Variants in PTPN6 observed in about 807,000 individuals in gnomAD.
PTPN6 encodes protein tyrosine phosphatase non-receptor type 6.
Under a neutral mutation model 81.5 loss-of-function variants are expected in PTPN6, and 18 were observed. The observed-to-expected ratio is 0.22, with a 90% CI of 0.15 to 0.33. The LOEUF (loss-of-function observed/expected upper bound fraction) is 0.33. Among genes scored for constraint, PTPN6 ranks in the 10% least tolerant of loss-of-function variants. The pLI, the probability that PTPN6 is intolerant of heterozygous loss-of-function variation, is 1.00. For synonymous variants in PTPN6, 301 were observed against 310.9 expected, an observed-to-expected ratio of 0.97 and a Z score of 0.33; for missense variants, 500 against 794.2, an observed-to-expected ratio of 0.63 and a Z score of 4.45.
chr12:6,954,831 G>T lies in PTPN6; in HGVS notation c.353G>T (p.Gly118Val). 6.2e-7 allele frequency: 1 copy of T among 1,614,080 alleles called. No homozygotes were observed. Among genetic ancestry groups the T allele is most frequent in the Non-Finnish European group, 8.5e-7 (1 of 1,180,036 alleles). The change falls in exon 4 of 16, where the codon GGG becomes GTG. Residue 118 changes from glycine (G) to valine (V), a missense_variant. Around this residue, in one of 6 missense-constraint regions of PTPN6, gnomAD observed 98 missense variants for 199.2 expected, o/e 0.49. Transcript: ENST00000318974. This position sits in a 1 kb window ranked among gnomAD's most constrained non-coding sequence, Gnocchi z 5.4. The part of the protein sequence containing the change: ...ERWYHGHMSG[G>V]QAETLLQAKG... ...TGGTACCATGGCCACATGTCTGGCG[G>T]GCAGGCAGAGACGCTGCTGCAGGCC... is the stretch of plus-strand genomic sequence containing the variant.
In PTPN6 at chr12:6,960,952, C is replaced by T. The variant is rs1555149876; in HGVS notation, c.*25+7C>T. The T allele has an allele frequency of 6.4e-7, 1 of 1,554,620 alleles. No homozygotes were observed. Among genetic ancestry groups the T allele is most frequent in the South Asian group, 1.2e-5 (1 of 84,322 alleles). ...CTGTCCTCAGGTGGCCATGGTACAG[C>T]TCTTCTGCCTGGGTGTCCTCCCTGC... On this transcript the variant is annotated splice_region_variant and intron_variant, in intron 15 of 15. Transcript: ENST00000318974. This position sits in a 1 kb window ranked among gnomAD's most constrained non-coding sequence, Gnocchi z 6.1.
In PTPN6 at chr12:6,957,262, G is replaced by A. The variant is rs782095285; in HGVS notation, c.1075-392G>A. Among the ~76,000 whole-genome samples, 3 of 152,238 alleles carry A rather than the reference G, an allele frequency of 2.0e-5. No individual in the cohort carries two copies. Among genetic ancestry groups the A allele is most frequent in the Non-Finnish European group, 4.4e-5 (3 of 68,044 alleles). ...GGTCTTGTTTCCTCCAGGACCTAGAGGGAGAATTACGTCTTTCCCAGCCAC... is the reference window on the plus strand; with the variant it reads ...GGTCTTGTTTCCTCCAGGACCTAGAAGGAGAATTACGTCTTTCCCAGCCAC... On this transcript the variant is annotated intron_variant, in intron 9 of 15. Transcript: ENST00000318974. This position sits in a 1 kb window ranked among gnomAD's most constrained non-coding sequence, Gnocchi z 6.5.
At chr12:6,946,705 C>T (rs1555146823), upstream of PTPN6, 5 of 1,610,616 alleles carry the variant, frequency 3.1e-6, no homozygotes, top group South Asian at 4.4e-5. Context: ...TCTGCCGTGG[C>T]TTCCCCCTCC....
Position 6,960,872 on chromosome 12 carries a change from G to T in PTPN6, c.1740G>T (p.Gln580His). Residue 580 changes from glutamine to histidine, a missense_variant, in exon 15 of 16, where the codon CAG becomes CAT. Physicochemically the swap from Gln to His is conservative, Grantham distance 24. Coordinates refer to ENST00000318974, the MANE Select transcript of PTPN6 (RefSeq NM_002831.6). This position sits in a 1 kb window ranked among gnomAD's most constrained non-coding sequence, Gnocchi z 6.1. ...AGAGGGAGGAGAAAGTGAAGAAGCA[G>T]CGGTCAGCAGACAAGGAGAAGAGCA... ...KNKREEKVKKQRSADKEKSKG... is the reference protein window; with the variant it reads ...KNKREEKVKKHRSADKEKSKG... 1 of 1,580,516 alleles carries T rather than the reference G, an allele frequency of 6.3e-7. No individual in the cohort carries two copies. The highest frequency in any genetic ancestry group is 2.3e-5 in the East Asian group (1 of 43,164).
rs1555148497 is a variant in PTPN6, at chr12:6,955,525, G to A, written c.747+40G>A. On this transcript the variant is annotated intron_variant, in intron 6 of 15. Coordinates refer to ENST00000318974, the MANE Select transcript of PTPN6 (RefSeq NM_002831.6). The surrounding 1 kb of genome is among the most constrained non-coding windows in gnomAD (Gnocchi z 7.2). ...CCGGCAGGGCTGGGGCAGCTGAGGT[G>A]GTGGCAGCGGCCTGGGGCCCCAGGC... 1.9e-6 allele frequency: 3 copies of A among 1,600,286 alleles called. No homozygotes were observed. The South Asian group carries it at 3.3e-5, about 18-fold the overall frequency.
chr12:6,957,866 G>A lies in PTPN6; in HGVS notation c.1207-53G>A. On this transcript the variant is annotated intron_variant, in intron 10 of 15. Transcript: ENST00000318974. This position sits in a 1 kb window ranked among gnomAD's most constrained non-coding sequence, Gnocchi z 6.5. ...CCTCTCTGGTCGGGTAGGGTGAGAT[G>A]GATGAGGTGTTCCGAGAGAGGAGGG... is the stretch of plus-strand genomic sequence containing the variant. 1.9e-6 allele frequency: 3 copies of A among 1,614,022 alleles called. No individual in the cohort carries two copies. The highest frequency in any genetic ancestry group is 1.7e-6 in the Non-Finnish European group (2 of 1,179,988).
chr12:6,949,414 C>T (rs782568616), upstream of PTPN6, among the ~76,000 whole-genome samples: 78 of 152,312 alleles, frequency 5.1e-4, no homozygotes, highest in African/African-American at 9.9e-4. Flanking sequence ...CATCTGCCCC[C>T]GACGCTGTCT....
In PTPN6 at chr12:6,954,789, A is replaced by G. The variant is rs1945993676; in HGVS notation, c.327-16A>G. ...TGTGGCCTGGGTCTTACCTTCCCTG[A>G]CGCTGCCTTCTCTAGGTGGTACCAT... On this transcript the variant is annotated splice_polypyrimidine_tract_variant and intron_variant, in intron 3 of 15. Transcript: ENST00000318974. The surrounding 1 kb of genome is among the most constrained non-coding windows in gnomAD (Gnocchi z 5.4). 1 of 1,612,128 alleles carries G rather than the reference A, an allele frequency of 6.2e-7. No homozygotes were observed. Among genetic ancestry groups the G allele is most frequent in the Non-Finnish European group, 8.5e-7 (1 of 1,179,802 alleles).
In PTPN6 at chr12:6,956,466, C is replaced by T; in HGVS notation, c.972C>T (p.Ser324=). The T allele has an allele frequency of 1.2e-6, 2 of 1,614,106 alleles. No individual in the cohort carries two copies. The highest frequency in any genetic ancestry group is 1.7e-6 in the Non-Finnish European group (2 of 1,180,034). Residue 324 remains serine (S), a synonymous_variant, in exon 9 of 16, where the codon AGC becomes AGT. Coordinates refer to ENST00000318974, the MANE Select transcript of PTPN6 (RefSeq NM_002831.6). This position sits in a 1 kb window ranked among gnomAD's most constrained non-coding sequence, Gnocchi z 4.1. ...AGAACGCTAAGACCTACATCGCCAGCCAGGGTTGTCTGGAGGCCACGGTCA... is the reference window on the plus strand; with the variant it reads ...AGAACGCTAAGACCTACATCGCCAGTCAGGGTTGTCTGGAGGCCACGGTCA... ...PDENAKTYIA[S]QGCLEATVND...
At chr12:6,958,645 CTCTG>C (rs781979578) in intron 11 of PTPN6, among the ~76,000 whole-genome samples, 1 of 152,332 alleles carries the variant, frequency 6.6e-6, no homozygotes, top group Non-Finnish European at 1.5e-5. Flanking sequence ...CACATAACTC[CTCTG>C]TCTATCTACC....
upstream of PTPN6, among the ~76,000 whole-genome samples, chr12:6,948,839 G>C (rs1217158933): frequency 6.6e-6 from 1 of 151,930 alleles, no homozygotes; most frequent in Non-Finnish European, 1.5e-5. Context: ...CAGCTACTAG[G>C]GAGGCTGAGG....
rs374959527 is a variant in PTPN6 at position 6,955,695 on chromosome 12, G to C, written c.783G>C (p.Gln261His). 1 of 1,614,048 alleles carries C rather than the reference G, an allele frequency of 6.2e-7. No individual in the cohort carries two copies. Among genetic ancestry groups the C allele is most frequent in the Non-Finnish European group, 8.5e-7 (1 of 1,180,010 alleles). Residue 261 changes from glutamine (Q) to histidine (H), a missense_variant, in exon 7 of 16, where the codon CAG becomes CAC. By Grantham distance (24) the Gln-to-His change is conservative. Around this residue, in one of 6 missense-constraint regions of PTPN6, gnomAD observed 96 missense variants for 137.3 expected, o/e 0.70. Coordinates refer to ENST00000318974, the MANE Select transcript of PTPN6 (RefSeq NM_002831.6). This position sits in a 1 kb window ranked among gnomAD's most constrained non-coding sequence, Gnocchi z 7.2. ...LQKQEVKNLH[Q>H]RLEGQRPENK... ...AGCAGGAGGTGAAGAACTTGCACCA[G>C]CGTCTGGAAGGGCAGCGGCCAGAGA...
upstream of PTPN6, among the ~76,000 whole-genome samples, chr12:6,947,079 C>T (rs1945835789): frequency 6.6e-6 from 1 of 152,190 alleles, no homozygotes; most frequent in Non-Finnish European, 1.5e-5. Flanking sequence ...AGTCAGAGGC[C>T]ACCCGCGAAG....
At position 6,951,618 on chromosome 12, in the gene PTPN6, C is replaced by T. The variant is rs782118608; in HGVS notation, c.18C>T (p.His6=). MVRWF[H]RDLSGLDAET... ...TGCCTGGGCCGCCCAGGTGGTTTCACCGAGACCTCAGTGGGCTGGATGCAG... is the reference window on the plus strand; with the variant it reads ...TGCCTGGGCCGCCCAGGTGGTTTCATCGAGACCTCAGTGGGCTGGATGCAG... The change falls in exon 2 of 16, where the codon CAC becomes CAT. Residue 6 remains histidine, a synonymous_variant. Transcript: ENST00000318974. The surrounding 1 kb of genome is among the most constrained non-coding windows in gnomAD (Gnocchi z 7.2). 1.2e-6 allele frequency: 2 copies of T among 1,613,852 alleles called. No individual in the cohort carries two copies. The highest frequency in any genetic ancestry group is 2.2e-5 in the South Asian group (2 of 91,062).
chr12:6,958,870 T>C (rs1183816899), intron 11 of PTPN6, among the ~76,000 whole-genome samples: 1 of 152,204 alleles, frequency 6.6e-6, no homozygotes, highest in Non-Finnish European at 1.5e-5. Context: ...AAAATCAGGA[T>C]CTCAGGGTTG....
rs180813585 is a variant in PTPN6, at chr12:6,957,311, C to T, written c.1075-343C>T. On this transcript the variant is annotated intron_variant, in intron 9 of 15. Coordinates refer to ENST00000318974, the MANE Select transcript of PTPN6 (RefSeq NM_002831.6). This position sits in a 1 kb window ranked among gnomAD's most constrained non-coding sequence, Gnocchi z 6.5. ...ACGCTCCTCAGCGCGGTGTCTCCCCCGGTCACCTGTCTCTGTGAGCTCCTC... is the reference window on the plus strand; with the variant it reads ...ACGCTCCTCAGCGCGGTGTCTCCCCTGGTCACCTGTCTCTGTGAGCTCCTC... Among the ~76,000 whole-genome samples, 252 of 152,326 alleles carry T rather than the reference C, an allele frequency of 1.7e-3. No homozygotes were observed. Among genetic ancestry groups the T allele is most frequent in the African/African-American group, 4.5e-3 (189 of 41,568 alleles).
At position 6,955,690 on chromosome 12, in the gene PTPN6, C is replaced by G; in HGVS notation, c.778C>G (p.His260Asp). The change falls in exon 7 of 16, where the codon CAC becomes GAC. Residue 260 changes from histidine to aspartate, a missense_variant. By Grantham distance (81) the His-to-Asp change is moderately conservative. Transcript: ENST00000318974. This position sits in a 1 kb window ranked among gnomAD's most constrained non-coding sequence, Gnocchi z 7.2. ...GCAGAAGCAGGAGGTGAAGAACTTG[C>G]ACCAGCGTCTGGAAGGGCAGCGGCC... ...SLQKQEVKNL[H>D]QRLEGQRPEN... 1 of 1,614,066 alleles carries G rather than the reference C, an allele frequency of 6.2e-7. No individual in the cohort carries two copies.
chr12:6,956,684 G>T lies in PTPN6; in HGVS notation c.1074+116G>T. 7.2e-7 allele frequency: 1 copy of T among 1,387,166 alleles called. No individual in the cohort carries two copies. Among genetic ancestry groups the T allele is most frequent in the Non-Finnish European group, 1.0e-6 (1 of 1,002,378 alleles). The allele number at this position is 1,387,166 out of a possible 1,614,324, so 85.9% of individuals were successfully genotyped here. A position where few individuals can be genotyped will look rare whatever the true frequency, so the allele number is the denominator to read the frequency against. On this transcript the variant is annotated intron_variant, in intron 9 of 15. Transcript: ENST00000318974. The surrounding 1 kb of genome is among the most constrained non-coding windows in gnomAD (Gnocchi z 4.1). ...TCTCAGGGGTGAGGGTCCGGCCCTT[G>T]TTGGGAAACTGAGGGCTAGTGACAA...
chr12:6,955,282 C>T lies in PTPN6; in HGVS notation c.633+15C>T. On this transcript the variant is annotated intron_variant, in intron 5 of 15. Coordinates refer to ENST00000318974, the MANE Select transcript of PTPN6 (RefSeq NM_002831.6). The surrounding 1 kb of genome is among the most constrained non-coding windows in gnomAD (Gnocchi z 7.2). ...ACCTGCGGCAGGTCAGGGGTGGGCC[C>T]AGCTGCCTCCCCACTTCCCCTGAGC... The T allele has an allele frequency of 3.7e-6, 6 of 1,612,906 alleles. No homozygotes were observed. The highest frequency in any genetic ancestry group is 5.1e-6 in the Non-Finnish European group (6 of 1,178,884).
Sources: allele counts gnomAD v4.1 joint callset (sites outside exome capture counted in the v4.1 genomes callset), GRCh38; gene constraint gnomAD v4.1.1; regional missense constraint gnomAD v4.1.1; non-coding constraint Gnocchi (gnomAD v3.1); transcripts MANE v1.5; gene names NCBI Gene and HGNC (gene_info 2026-07-23, HGNC 2026-07-21).